The following PSMG2 variants were observed in gnomAD, a reference collection of about 807,000 sequenced individuals.
The protein encoded by PSMG2 is proteasome assembly chaperone 2, also known as CD40 ligand-activated specific transcript 3.
A neutral mutation model predicts 31.5 loss-of-function variants in PSMG2; 21 were observed. The observed-to-expected ratio is 0.67, with a 90% CI of 0.47 to 0.96. The LOEUF is 0.96. Among genes scored for constraint, PSMG2 ranks in the 40% least tolerant of loss-of-function variants. The probability of loss-of-function intolerance (pLI) is 0.00; values close to 1 mark genes in which losing one functional copy is unlikely to be tolerated. For synonymous variants in PSMG2, 120 were observed against 110.4 expected (o/e 1.09, Z -0.54); for missense variants, 318 against 321.2 (o/e 0.99, Z 0.08).
At chr18:12,721,129 G>A (rs1433074286) in intron 5 of PSMG2, among the ~76,000 whole-genome samples, 1 of 152,106 alleles carries the variant, frequency 6.6e-6, no homozygotes, top group Non-Finnish European at 1.5e-5. Context: ...GCAGTGAGCC[G>A]AGATCGCGCC....
chr18:12,714,669 T>A (rs112743895), intron 3 of PSMG2, among the ~76,000 whole-genome samples: 1 of 151,366 alleles, frequency 6.6e-6, no homozygotes, highest in Admixed American at 6.6e-5. Context: ...AATTTTTGTA[T>A]TTTTTTGTAG....
chr18:12,660,100 T>C (rs2144931969), intron 1 of PSMG2, among the ~76,000 whole-genome samples: 1 of 152,238 alleles, frequency 6.6e-6, no homozygotes, highest in Admixed American at 6.5e-5. Context: ...CCAAACACAT[T>C]TTTATCTTTG....
Position 12,724,499 on chromosome 18 carries a change from C to T in PSMG2, c.582C>T (p.Ser194=). 3.1e-6 allele frequency: 5 copies of T among 1,595,380 alleles called. No homozygotes were observed. Among genetic ancestry groups the T allele is most frequent in the Non-Finnish European group, 4.3e-6 (5 of 1,173,032 alleles). Residue 194 remains serine (S), a splice_region_variant and synonymous_variant, in exon 6 of 7, where the codon AGC becomes AGT. Transcript: ENST00000317615. ...TGATTCTTATTTTTATTTCTTGTAG[C>T]TGTTCTAAAGAAATCCAAATGGCAG... The part of the protein sequence containing the change: ...GGITKTLYDE[S]CSKEIQMAVL...
chr18:12,698,682 C>T (rs1056586419), upstream of PSMG2: 6 of 268,484 alleles, frequency 2.2e-5, no homozygotes, highest in African/African-American at 1.3e-4. Context: ...TCATTTTCCA[C>T]TATATCATCC....
chr18:12,698,884 A>G, upstream of PSMG2: 1 of 867,524 alleles, frequency 1.2e-6, no homozygotes, highest in Non-Finnish European at 1.8e-6. Context: ...CTCCATTATA[A>G]ATCTCTCCTT....
intron 1 of PSMG2, chr18:12,673,135 C>T: frequency 1.8e-6 from 2 of 1,124,568 alleles, no homozygotes; most frequent in Non-Finnish European, 2.2e-6. Flanking sequence ...ATAGAATATA[C>T]ACTTAATTTA....
intron 1 of PSMG2, among the ~76,000 whole-genome samples, chr18:12,705,733 G>C (rs2040262103): frequency 6.6e-6 from 1 of 152,090 alleles, no homozygotes; most frequent in Non-Finnish European, 1.5e-5. Flanking sequence ...CCACTGCCTG[G>C]AATGTTCTTT....
At chr18:12,696,700 A>G (rs559616214) in intron 1 of PSMG2, among the ~76,000 whole-genome samples, 5 of 152,276 alleles carry the variant, frequency 3.3e-5, no homozygotes, top group African/African-American at 1.2e-4. Flanking sequence ...CAAGGAGACT[A>G]TGATAAATAA....
chr18:12,676,279 CTTTT>C (rs1157897766), intron 1 of PSMG2, among the ~76,000 whole-genome samples: 193 of 106,414 alleles, frequency 1.8e-3, no homozygotes, highest in African/African-American at 6.5e-3. Context: ...ACAGTAATTC[CTTTT>C]TTTTTTTTTT....
At chr18:12,691,513 A>G (rs1313410662) in intron 1 of PSMG2, 1 of 1,543,278 alleles carries the variant, frequency 6.5e-7, no homozygotes, top group East Asian at 2.3e-5. Flanking sequence ...AATATTTTTC[A>G]ATTTCTATTC....
At chr18:12,678,254 T>TCA (rs2039216154) in intron 1 of PSMG2, 1 of 1,614,058 alleles carries the variant, frequency 6.2e-7, no homozygotes, top group Admixed American at 1.7e-5. Flanking sequence ...AATTGCTTCC[T>TCA]CACTCATGGG....
At chr18:12,695,098 T>C (rs2039904768) in intron 1 of PSMG2, among the ~76,000 whole-genome samples, 2 of 152,208 alleles carry the variant, frequency 1.3e-5, no homozygotes, top group African/African-American at 4.8e-5. Flanking sequence ...ATCTTGTCTT[T>C]ATTTTCTTCC....
intron 1 of PSMG2, chr18:12,697,250 T>C (rs1257870838): frequency 1.2e-6 from 2 of 1,613,550 alleles, no homozygotes; most frequent in South Asian, 1.1e-5. Flanking sequence ...ACAGTCAGAC[T>C]GGTCACTCCA....
chr18:12,673,078 TAATA>T, intron 1 of PSMG2: 1 of 1,010,852 alleles, frequency 9.9e-7, no homozygotes, highest in East Asian at 8.2e-5. Flanking sequence ...CATTTTATAT[TAATA>T]TTTAAACTAC....
At chr18:12,688,272 A>C (rs2039620589) in intron 1 of PSMG2, among the ~76,000 whole-genome samples, 1 of 151,930 alleles carries the variant, frequency 6.6e-6, no homozygotes, top group Non-Finnish European at 1.5e-5. Context: ...CTTAAAGTTC[A>C]ATTTCTGTAA....
intron 1 of PSMG2, among the ~76,000 whole-genome samples, chr18:12,683,732 C>A (rs2039434714): frequency 6.7e-6 from 1 of 150,352 alleles, no homozygotes; most frequent in African/African-American, 2.5e-5. Context: ...GCCTGGGCGA[C>A]AAGAGGAAAA....
chr18:12,660,405 T>G (rs1433289216), intron 1 of PSMG2, among the ~76,000 whole-genome samples: 1 of 151,796 alleles, frequency 6.6e-6, no homozygotes, highest in East Asian at 1.9e-4. Context: ...CACTGCAACT[T>G]CCGCCTCCTG....
chr18:12,710,252 A>T (rs980995742), intron 2 of PSMG2, among the ~76,000 whole-genome samples: 6 of 152,096 alleles, frequency 3.9e-5, no homozygotes, highest in African/African-American at 1.4e-4. Context: ...CTTTTAAAGC[A>T]TCTGTGATTT....
intron 1 of PSMG2, among the ~76,000 whole-genome samples, chr18:12,676,279 CTTTTTTTTTTTTT>C (rs1157897766): frequency 9.4e-6 from 1 of 106,430 alleles, no homozygotes; most frequent in East Asian, 2.9e-4. Flanking sequence ...ACAGTAATTC[CTTTTTTTTTTTTT>C]TTTTTTTTTG....
Sources: allele counts gnomAD v4.1 joint callset (sites outside exome capture counted in the v4.1 genomes callset), GRCh38; gene constraint gnomAD v4.1.1; transcripts MANE v1.5; gene names NCBI Gene and HGNC (gene_info 2026-07-23, HGNC 2026-07-21).